CPNE3: variants seen among roughly 807,000 people sequenced by gnomAD.
The protein encoded by CPNE3 is copine-3.
CPNE3 carries 68 observed loss-of-function variants against 63.9 expected under a neutral mutation model. That is an observed-to-expected ratio of 1.06 (90% confidence interval 0.87 to 1.30). CPNE3 has a LOEUF of 1.30. Among genes scored for constraint, CPNE3 ranks in the 50% most tolerant of loss-of-function variants. The probability of loss-of-function intolerance (pLI) is 0.00; values close to 1 mark genes in which losing one functional copy is unlikely to be tolerated. For missense variants in CPNE3, 665 were observed against 578.1 expected, an observed-to-expected ratio of 1.15 and a Z score of -1.54; for synonymous variants, 219 against 197.5, an observed-to-expected ratio of 1.11 and a Z score of -0.91.
intron 2 of CPNE3, among the ~76,000 whole-genome samples, chr8:86,523,527 A>C (rs748201774): frequency 4.6e-5 from 7 of 152,228 alleles, no homozygotes; most frequent in Non-Finnish European, 7.3e-5. Context: ...CCATAACAGC[A>C]TGAGGGGTAT....
Position 86,544,895 on chromosome 8 carries a change from T to C in CPNE3, c.732+57T>C. On this transcript the variant is annotated intron_variant, in intron 9 of 16. Coordinates refer to ENST00000517490, the MANE Select transcript of CPNE3 (RefSeq NM_003909.5). ...TATAGTTTGGCTATGTATTTATTAC[T>C]GTATTTCATTTTTTTCCCATAGCAT... 3 of 1,058,660 alleles carry C rather than the reference T, an allele frequency of 2.8e-6. 1 individual carries two copies. Among genetic ancestry groups the C allele is most frequent in the Non-Finnish European group, 4.1e-6 (3 of 723,812 alleles). 65.6% of individuals were successfully genotyped at this position (1,058,660 alleles called of 1,614,324 possible). A position where few individuals can be genotyped will look rare whatever the true frequency, so the allele number is the denominator to read the frequency against.
intron 12 of CPNE3, among the ~76,000 whole-genome samples, chr8:86,550,490 G>A (rs1403351996): frequency 6.6e-6 from 1 of 152,160 alleles, no homozygotes. Context: ...GTTTTATAAT[G>A]GCGGAACATT....
rs943627198 is a variant in CPNE3 at position 86,539,291 on chromosome 8, A to C, written c.544-954A>C. ...GTCTCTTAAGTTAGAGTATGTTCTC[A>C]GTTCCCCTTGTACTTTTTCTGTCCC... On this transcript the variant is annotated intron_variant, in intron 7 of 16. Transcript: ENST00000517490. Among the ~76,000 whole-genome samples the C allele has an allele frequency of 2.0e-5, 3 of 152,120 alleles. No individual in the cohort carries two copies. The East Asian group carries it at 5.8e-4, about 29-fold the overall frequency.
intron 5 of CPNE3, among the ~76,000 whole-genome samples, chr8:86,531,634 A>G (rs1258202282): frequency 6.6e-6 from 1 of 152,018 alleles, no homozygotes; most frequent in South Asian, 2.1e-4. Context: ...AGGATGTTAT[A>G]TTATGACATG....
chr8:86,522,064 C>A (rs1250365949), intron 2 of CPNE3, among the ~76,000 whole-genome samples: 1 of 152,124 alleles, frequency 6.6e-6, no homozygotes, highest in African/African-American at 2.4e-5. Flanking sequence ...TTACTGTCTA[C>A]CCTTGAATGT....
chr8:86,548,547 C>T (rs1821105279), intron 12 of CPNE3, 113 bp downstream of exon 12: 2 of 1,284,190 alleles, frequency 1.6e-6, no homozygotes. Flanking sequence ...GATGCTTTCT[C>T]CCTAAAATCC....
At chr8:86,555,620 A>C (rs10504825) in intron 15 of CPNE3, among the ~76,000 whole-genome samples, 47,427 of 152,104 alleles carry the variant, frequency 0.31, 8,376 homozygotes, top group Non-Finnish European at 0.41. Flanking sequence ...GGTTTATCTT[A>C]GGTGACACAA....
intron 8 of CPNE3, among the ~76,000 whole-genome samples, chr8:86,542,550 T>C (rs1283724439): frequency 6.6e-6 from 1 of 151,806 alleles, no homozygotes; most frequent in African/African-American, 2.4e-5. Context: ...TATATATGCA[T>C]GTGTATATGT....
At position 86,528,683 on chromosome 8, in the gene CPNE3, G is replaced by A. The variant is rs367998521; in HGVS notation, c.132+6G>A. 2.5e-6 allele frequency: 4 copies of A among 1,596,760 alleles called. No homozygotes were observed. Among genetic ancestry groups the A allele is most frequent in the Non-Finnish European group, 2.6e-6 (3 of 1,174,440 alleles). ...GTGGTCAACAGTGGTATGAGGTAAT[G>A]TCAAATACTTTACCTAAAAAGTAAT... On this transcript the variant is annotated splice_donor_region_variant and intron_variant, in intron 3 of 16. Transcript: ENST00000517490.
chr8:86,550,171 A>G (rs916482794), intron 12 of CPNE3, among the ~76,000 whole-genome samples: 4 of 152,228 alleles, frequency 2.6e-5, no homozygotes, highest in African/African-American at 9.6e-5. Flanking sequence ...TTTTGTGTTC[A>G]TATTCATTAA....
At chr8:86,541,462 G>A (rs898878575) in intron 8 of CPNE3, among the ~76,000 whole-genome samples, 1 of 152,044 alleles carries the variant, frequency 6.6e-6, no homozygotes, top group Non-Finnish European at 1.5e-5. Flanking sequence ...CCAGCACTTT[G>A]GGAGGCCGAG....
intron 8 of CPNE3, among the ~76,000 whole-genome samples, chr8:86,542,963 ATCTTG>A (rs2131473003): frequency 6.6e-6 from 1 of 152,226 alleles, no homozygotes; most frequent in African/African-American, 2.4e-5. Flanking sequence ...TCAAAGCTTA[ATCTTG>A]TCTTAGATAT....
intron 6 of CPNE3, among the ~76,000 whole-genome samples, chr8:86,533,142 T>A (rs2131452269): frequency 6.6e-6 from 1 of 152,222 alleles, no homozygotes; most frequent in South Asian, 2.1e-4. Flanking sequence ...TCCTCCCATC[T>A]CATACTCCCA....
chr8:86,543,876 T>C (rs1193704954), intron 8 of CPNE3, among the ~76,000 whole-genome samples: 1 of 152,126 alleles, frequency 6.6e-6, no homozygotes, highest in Non-Finnish European at 1.5e-5. Context: ...CAGCTTCCCT[T>C]GAACACTTCT....
intron 14 of CPNE3, among the ~76,000 whole-genome samples, chr8:86,553,822 C>T (rs1467808958): frequency 7.2e-6 from 1 of 138,626 alleles, no homozygotes; most frequent in African/African-American, 2.7e-5. Context: ...TTTAGAATTT[C>T]TGTTATCCTG....
chr8:86,558,118 T>C (rs1196968657), intron 16 of CPNE3, among the ~76,000 whole-genome samples, 170 bp from the exon 17 acceptor site: 2 of 152,194 alleles, frequency 1.3e-5, no homozygotes, highest in African/African-American at 2.4e-5. Context: ...ATAAGTAACA[T>C]TGGCTAGTTA....
intron 6 of CPNE3, among the ~76,000 whole-genome samples, chr8:86,533,155 G>C (rs1244581377): frequency 6.6e-6 from 1 of 151,984 alleles, no homozygotes; most frequent in Non-Finnish European, 1.5e-5. Context: ...TACTCCCAAA[G>C]TGTTGGGATT....
At chr8:86,524,738 C>T (rs1453271727) in intron 2 of CPNE3, 2 of 141,110 alleles carry the variant, frequency 1.4e-5, no homozygotes, top group Non-Finnish European at 3.0e-5. Flanking sequence ...GGCTGCAGTG[C>T]ATAGCTTACT....
rs760716869 is a variant in CPNE3, at chr8:86,556,267, C to G, written c.1420C>G (p.Leu474Val). The change falls in exon 16 of 17, where the codon CTC becomes GTC. Residue 474 changes from leucine to valine, a missense_variant. By Grantham distance (32) the Leu-to-Val change is conservative. Transcript: ENST00000517490. ...MEFLDGDGGS[L>V]RSPLGEVAIR... ...GTTTCTGGATGGTGATGGTGGAAGT[C>G]TCCGCTCCCCATTGGGCGAAGTGGC... is the stretch of plus-strand genomic sequence containing the variant. The G allele has an allele frequency of 1.1e-6, 1 of 873,032 alleles. No homozygotes were observed. Among genetic ancestry groups the G allele is most frequent in the Non-Finnish European group, 2.0e-6 (1 of 501,700 alleles). 54.1% of individuals were successfully genotyped at this position (873,032 alleles called of 1,614,324 possible). A position where few individuals can be genotyped will look rare whatever the true frequency, so the allele number is the denominator to read the frequency against.
Sources: allele counts gnomAD v4.1 joint callset (sites outside exome capture counted in the v4.1 genomes callset), GRCh38; gene constraint gnomAD v4.1.1; transcripts MANE v1.5; gene names NCBI Gene and HGNC (gene_info 2026-07-23, HGNC 2026-07-21).